CARD10: variants seen among roughly 807,000 people sequenced by gnomAD.
CARD10 encodes caspase recruitment domain family member 10.
Under a neutral mutation model 114.6 loss-of-function variants are expected in CARD10, and 49 were observed. The ratio of observed to expected loss-of-function variants is 0.43; its 90% confidence interval spans 0.34 to 0.54. The LOEUF (loss-of-function observed/expected upper bound fraction) is 0.54. Ranked by LOEUF, CARD10 falls within the 20% of genes least tolerant of loss-of-function variation. CARD10 has a pLI of 0.03. For missense variants in CARD10, 1,206 were observed against 1,397.2 expected (o/e 0.86, Z 2.18); for synonymous variants, 602 against 593.2 (o/e 1.01, Z -0.21).
chr22:37,494,233 G>A (rs1003340154), intron 15 of CARD10, 45 bp from the exon 16 acceptor site: 27 of 1,345,574 alleles, frequency 2.0e-5, no homozygotes, highest in Non-Finnish European at 2.6e-5. Context: ...GCTCAGCCCC[G>A]CCCCCTCAGG....
intron 3 of CARD10, among the ~76,000 whole-genome samples, chr22:37,511,705 C>A (rs577335159): frequency 2.0e-5 from 3 of 152,042 alleles, no homozygotes; most frequent in Non-Finnish European, 4.4e-5. Context: ...TCATCCAGTC[C>A]GGGAACCAGA....
intron 3 of CARD10, 159 bp from the exon 4 acceptor site, chr22:37,510,580 G>C (rs1299147350): frequency 4.8e-6 from 3 of 629,216 alleles, no homozygotes; most frequent in Non-Finnish European, 8.3e-6. Flanking sequence ...AACAGGACAG[G>C]CTGGACAGAT....
In CARD10 at chr22:37,490,787, A is replaced by G; in HGVS notation, c.*372T>C. On this transcript the variant is annotated 3_prime_UTR_variant, in exon 20 of 20. Transcript: ENST00000251973. The stretch of plus-strand genomic sequence containing the variant: ...CCTCAGGAGACCTCGTGCCCAGGGC[A>G]GCGGGACAGACCTGAGCCTGCCCAT... 1 of 216,584 alleles carries G rather than the reference A, an allele frequency of 4.6e-6. No individual in the cohort carries two copies. The highest frequency in any genetic ancestry group is 9.2e-6 in the Non-Finnish European group (1 of 109,224). 13.4% of individuals were successfully genotyped at this position (216,584 alleles called of 1,614,324 possible). A position where few individuals can be genotyped will look rare whatever the true frequency, so the allele number is the denominator to read the frequency against.
intron 11 of CARD10, among the ~76,000 whole-genome samples, chr22:37,498,937 G>C (rs1923112352): frequency 2.0e-5 from 3 of 150,528 alleles, no homozygotes; most frequent in African/African-American, 7.3e-5. Flanking sequence ...AAAAGATAAT[G>C]CAGGGAGAGG....
At position 37,496,866 on chromosome 22, in the gene CARD10, G is replaced by A. The variant is rs943286923; in HGVS notation, c.1947+153C>T. ...AATCAGACTTCAATTAAGCCTGGCT[G>A]AGCAGGCAACCACAGCTAATCACTG... On this transcript the variant is annotated intron_variant, in intron 12 of 19. Transcript: ENST00000251973. This position sits in a 1 kb window ranked among gnomAD's most constrained non-coding sequence, Gnocchi z 4.1. The A allele has an allele frequency of 4.3e-6, 4 of 927,106 alleles. No individual in the cohort carries two copies. Among genetic ancestry groups the A allele is most frequent in the Non-Finnish European group, 6.5e-6 (4 of 613,524 alleles). The allele number at this position is 927,106 out of a possible 1,614,324, so 57.4% of individuals were successfully genotyped here.
In CARD10 at chr22:37,518,126, G is replaced by A. The variant is rs374969816; in HGVS notation, c.236-18C>T. On this transcript the variant is annotated intron_variant, in intron 1 of 19. Coordinates refer to ENST00000251973, the MANE Select transcript of CARD10 (RefSeq NM_014550.4). ...CAGGCGCCCTACAGAGTAGTGGGGG[G>A]ATGTACCCAGGGTCTAGGGGAAGGC... The A allele has an allele frequency of 5.0e-6, 8 of 1,611,078 alleles. No individual in the cohort carries two copies. The African/African-American group carries it at 6.7e-5, about 13-fold the overall frequency.
chr22:37,503,512 C>T (rs781261121), intron 9 of CARD10, among the ~76,000 whole-genome samples: 12 of 152,144 alleles, frequency 7.9e-5, no homozygotes, highest in Non-Finnish European at 1.0e-4. Context: ...CCCCTGATCT[C>T]TCACCCCTCA....
chr22:37,510,486 G>A (rs9610776), intron 3 of CARD10, 65 bp from the exon 4 acceptor site: 101,373 of 1,455,458 alleles, frequency 0.07, 4,152 homozygotes, highest in African/African-American at 0.18. Flanking sequence ...TACAGGGGTG[G>A]GAAGACCTGC....
At chr22:37,494,459 AC>A (rs1414461140) in intron 15 of CARD10, 5 of 516,298 alleles carry the variant, frequency 9.7e-6, no homozygotes, top group Non-Finnish European at 1.4e-5. Context: ...CCTTAGGTAT[AC>A]CCCCCAAGCT....
rs200886369 is a variant in CARD10 at position 37,517,938 on chromosome 22, C to G, written c.373+33G>C. ...GGAAAGGAGCCTGTGCACTGGAGTC[C>G]GAGGTGCCAGCATCCACCGCAGATC... On this transcript the variant is annotated intron_variant, in intron 2 of 19. Coordinates refer to ENST00000251973, the MANE Select transcript of CARD10 (RefSeq NM_014550.4). 200 of 1,604,140 alleles carry G rather than the reference C, an allele frequency of 1.2e-4. 1 individual carries two copies. In the East Asian group the frequency reaches 4.1e-3, roughly 33 times the overall value.
Position 37,495,508 on chromosome 22 carries a change from C to A in CARD10, c.2373+9G>T, listed in dbSNP as rs369805758. 1.2e-6 allele frequency: 2 copies of A among 1,606,406 alleles called. No individual in the cohort carries two copies. The highest frequency in any genetic ancestry group is 4.5e-5 in the East Asian group (2 of 44,646). ...GCCCCCCACCCACTACCTGCCCAGC[C>A]GTGCTCACATTACTGCGGGGGCCTC... On this transcript the variant is annotated intron_variant, in intron 15 of 19. Transcript: ENST00000251973.
chr22:37,500,456 T>C (rs989699785), intron 11 of CARD10, among the ~76,000 whole-genome samples: 2 of 150,768 alleles, frequency 1.3e-5, no homozygotes, highest in Admixed American at 6.6e-5. Context: ...CCCACCTGAC[T>C]ATCTGTCAGC....
intron 9 of CARD10, 50 bp from the exon 10 acceptor site, chr22:37,503,263 A>C (rs775564502): frequency 1.9e-6 from 3 of 1,560,206 alleles, no homozygotes; most frequent in South Asian, 2.4e-5. Context: ...CACAGTGGGC[A>C]CTCTGCCCCG....
chr22:37,497,995 G>A (rs940969638), intron 11 of CARD10, among the ~76,000 whole-genome samples: 3 of 152,170 alleles, frequency 2.0e-5, no homozygotes, highest in Non-Finnish European at 2.9e-5. Flanking sequence ...TAGGCTACAC[G>A]CTGGTGAAGA....
chr22:37,500,487 GC>G (rs764274835), intron 11 of CARD10, among the ~76,000 whole-genome samples: 1 of 151,608 alleles, frequency 6.6e-6, no homozygotes, highest in South Asian at 2.1e-4. Context: ...GTCTGCCCCA[GC>G]CCCCCACTAT....
intron 2 of CARD10, among the ~76,000 whole-genome samples, chr22:37,517,699 T>C (rs910310157): frequency 2.0e-5 from 3 of 151,998 alleles, no homozygotes; most frequent in Non-Finnish European, 4.4e-5. Context: ...TAAAAAACTA[T>C]ACATCTGTGT....
At position 37,497,948 on chromosome 22, in the gene CARD10, G is replaced by A. The variant is rs138982450; in HGVS notation, c.1788-770C>T. On this transcript the variant is annotated intron_variant, in intron 11 of 19. Transcript: ENST00000251973. ...GATCCAAAGGTGGTTACAACCAGCCGTGGAAGCAGAGAGAGGCTTCCCACG... is the reference window on the plus strand; with the variant it reads ...GATCCAAAGGTGGTTACAACCAGCCATGGAAGCAGAGAGAGGCTTCCCACG... Among the ~76,000 whole-genome samples the A allele has an allele frequency of 2.0e-3, 309 of 152,128 alleles. 1 individual carries two copies. The highest frequency in any genetic ancestry group is 7.1e-3 in the African/African-American group (295 of 41,520).
chr22:37,496,390 C>T lies in CARD10; in HGVS notation c.2059+59G>A. On this transcript the variant is annotated intron_variant, in intron 13 of 19. Coordinates refer to ENST00000251973, the MANE Select transcript of CARD10 (RefSeq NM_014550.4). The surrounding 1 kb of genome is among the most constrained non-coding windows in gnomAD (Gnocchi z 4.1). Reference sequence around the variant, plus strand: ...GTCCTTGGTCCCTCCCCACCCCATGCACCACGGGTTAGAGGACCCCTCTGG... The same window carrying T: ...GTCCTTGGTCCCTCCCCACCCCATGTACCACGGGTTAGAGGACCCCTCTGG... 7.9e-7 allele frequency: 1 copy of T among 1,261,546 alleles called. No individual in the cohort carries two copies. Among genetic ancestry groups the T allele is most frequent in the South Asian group, 1.3e-5 (1 of 79,108 alleles). The allele number at this position is 1,261,546 out of a possible 1,614,324, so 78.1% of individuals were successfully genotyped here.
Position 37,496,618 on chromosome 22 carries a change from C to A in CARD10, c.1948-58G>T. The A allele has an allele frequency of 7.8e-7, 1 of 1,288,620 alleles. No homozygotes were observed. The highest frequency in any genetic ancestry group is 2.3e-5 in the East Asian group (1 of 42,812). 79.8% of individuals were successfully genotyped at this position (1,288,620 alleles called of 1,614,324 possible). ...GTGAGCCTCTGAGAGTAGAGCAGCC[C>A]AGGGGCTGGAGGAAGACCAGGTGTG... is the stretch of plus-strand genomic sequence containing the variant. On this transcript the variant is annotated intron_variant, in intron 12 of 19. Transcript: ENST00000251973. The surrounding 1 kb of genome is among the most constrained non-coding windows in gnomAD (Gnocchi z 4.1).
Sources: gnomAD v4.1 joint callset for allele counts (sites outside exome capture counted in the v4.1 genomes callset) on GRCh38, gnomAD v4.1.1 for gene constraint, Gnocchi (gnomAD v3.1) non-coding constraint, MANE v1.5 for transcripts, NCBI Gene and HGNC (gene_info 2026-07-23, HGNC 2026-07-21) for gene names.